PLXNA4: variants seen among roughly 807,000 people sequenced by gnomAD.
PLXNA4 encodes plexin-A4.
PLXNA4 carries 44 observed loss-of-function variants against 191.8 expected under a neutral mutation model. That is an observed-to-expected ratio of 0.23 (90% CI 0.18 to 0.29). The LOEUF is 0.29. Among genes scored for constraint, PLXNA4 ranks in the 10% least tolerant of loss-of-function variants. The probability of loss-of-function intolerance (pLI) is 1.00; values close to 1 mark genes in which losing one functional copy is unlikely to be tolerated. For synonymous variants in PLXNA4, 1,082 were observed against 1,009.5 expected (o/e 1.07, Z -1.36); for missense variants, 1,800 against 2,488.8 (o/e 0.72, Z 5.89).
At position 132,311,112 on chromosome 7, in the gene PLXNA4, C is replaced by T. The variant is rs1273387338; in HGVS notation, c.1372-12890G>A. On this transcript the variant is annotated intron_variant, in intron 3 of 31. Coordinates refer to ENST00000321063, the MANE Select transcript of PLXNA4 (RefSeq NM_020911.2). ...CAGATTTGCTCAGTTGGGATCTATA[C>T]CAGGATTTCAAAGTAGCCCCAGTTC... 1.1e-4 allele frequency among the ~76,000 whole-genome samples: 16 copies of T among 150,164 alleles called. 1 individual carries two copies. In the Admixed American group the frequency reaches 1.1e-3, roughly 10 times the overall value.
chr7:132,626,140 C>T (rs1803367524), intron 2 of PLXNA4, among the ~76,000 whole-genome samples: 2 of 152,190 alleles, frequency 1.3e-5, no homozygotes, highest in South Asian at 2.1e-4. Flanking sequence ...CACTCACCAC[C>T]ACCAATCAAG....
intron 3 of PLXNA4, among the ~76,000 whole-genome samples, chr7:132,475,213 C>A (rs1797077697): frequency 6.6e-6 from 1 of 152,084 alleles, no homozygotes; most frequent in African/African-American, 2.4e-5. Flanking sequence ...GCAGGGTGGC[C>A]CACAGTAGCT....
intron 3 of PLXNA4, among the ~76,000 whole-genome samples, chr7:132,310,657 A>T (rs765099193): frequency 6.6e-6 from 1 of 152,206 alleles, no homozygotes; most frequent in Non-Finnish European, 1.5e-5. Flanking sequence ...TCTGTTGCTC[A>T]GCCCCCAGGC....
At chr7:132,210,258 C>T (rs189047779) in intron 10 of PLXNA4, among the ~76,000 whole-genome samples, 152 of 152,194 alleles carry the variant, frequency 1.0e-3, no homozygotes, top group Non-Finnish European at 1.7e-3. Context: ...ATGGCAGGTG[C>T]GAAGGGAAGT....
At chr7:132,380,285 G>A (rs926698035) in intron 3 of PLXNA4, among the ~76,000 whole-genome samples, 1 of 152,134 alleles carries the variant, frequency 6.6e-6, no homozygotes, top group African/African-American at 2.4e-5. Flanking sequence ...TGTGCAAAGG[G>A]CAGCACCAGG....
At chr7:132,613,849 A>G (rs570158111) in intron 2 of PLXNA4, among the ~76,000 whole-genome samples, 8 of 152,336 alleles carry the variant, frequency 5.3e-5, no homozygotes, top group African/African-American at 1.9e-4. Flanking sequence ...AAATCCAGGA[A>G]AAAAAAGTAA....
At chr7:132,641,875 G>C (rs940153807) in intron 2 of PLXNA4, among the ~76,000 whole-genome samples, 6 of 152,156 alleles carry the variant, frequency 3.9e-5, no homozygotes, top group Admixed American at 6.5e-5. Flanking sequence ...AATGATCACA[G>C]CAGTCAATGT....
At chr7:132,170,912 A>G (rs1194710434) in intron 21 of PLXNA4, among the ~76,000 whole-genome samples, 1 of 152,246 alleles carries the variant, frequency 6.6e-6, no homozygotes, top group East Asian at 1.9e-4. Flanking sequence ...GCTAGAGATA[A>G]ACAGGCTACA....
intron 1 of PLXNA4, among the ~76,000 whole-genome samples, chr7:132,563,144 C>T (rs1385955686): frequency 1.1e-5 from 1 of 88,804 alleles, no homozygotes; most frequent in African/African-American, 4.2e-5. Flanking sequence ...TCCTTCTCCT[C>T]TTCCTCCTTC....
chr7:132,182,912 G>T (rs1354724508), intron 16 of PLXNA4, among the ~76,000 whole-genome samples: 4 of 152,164 alleles, frequency 2.6e-5, no homozygotes, highest in Non-Finnish European at 5.9e-5. Context: ...CTGGATGCCA[G>T]TGCCTATCCT....
intron 5 of PLXNA4, among the ~76,000 whole-genome samples, chr7:132,238,039 G>T (rs576350155): frequency 1.3e-5 from 2 of 152,022 alleles, no homozygotes; most frequent in Non-Finnish European, 2.9e-5. Context: ...TGATTTTGCC[G>T]CTTAAAATAG....
At chr7:132,132,497 T>TTTCTATTCTA (rs1159802824) in intron 31 of PLXNA4, among the ~76,000 whole-genome samples, 25 of 111,926 alleles carry the variant, frequency 2.2e-4, no homozygotes, top group African/African-American at 8.7e-4. Flanking sequence ...GCTCTATTCT[T>TTTCTATTCTA]TTCTATTCTA....
In PLXNA4 at chr7:132,124,221, T is replaced by G. The variant is rs113801565; in HGVS notation, c.*6258A>C. On this transcript the variant is annotated 3_prime_UTR_variant, in exon 32 of 32. Coordinates refer to ENST00000321063, the MANE Select transcript of PLXNA4 (RefSeq NM_020911.2). ...CGTTGGTTTCCGAATGGAAACAAGA[T>G]TCTTTGAGGTAAGCTAGCTTTTCAT... 12 of 152,306 alleles carry G rather than the reference T, an allele frequency of 7.9e-5. 1 individual carries two copies. Among genetic ancestry groups the G allele is most frequent in the African/African-American group, 2.6e-4 (11 of 41,568 alleles). The allele number at this position is 152,306 out of a possible 1,614,324, so 9.4% of individuals were successfully genotyped here.
At chr7:132,527,336 T>A (rs1799437649) in intron 1 of PLXNA4, among the ~76,000 whole-genome samples, 1 of 152,032 alleles carries the variant, frequency 6.6e-6, no homozygotes, top group Non-Finnish European at 1.5e-5. Flanking sequence ...AATCTTGCCA[T>A]CCACCTCTCA....
chr7:132,435,525 G>A (rs1795437420), intron 3 of PLXNA4, among the ~76,000 whole-genome samples: 1 of 152,166 alleles, frequency 6.6e-6, no homozygotes, highest in Admixed American at 6.5e-5. Flanking sequence ...AGAGGGCAAA[G>A]GAGGGGTGAG....
intron 27 of PLXNA4, 54 bp from the exon 28 acceptor site, chr7:132,146,754 C>G: frequency 6.3e-7 from 1 of 1,592,684 alleles, no homozygotes; most frequent in Non-Finnish European, 8.6e-7. Context: ...AGCCTTAGCC[C>G]ATCACTTACC....
At chr7:132,434,864 A>G (rs1420882917) in intron 3 of PLXNA4, among the ~76,000 whole-genome samples, 2 of 152,106 alleles carry the variant, frequency 1.3e-5, no homozygotes, top group Non-Finnish European at 2.9e-5. Flanking sequence ...TAGCCTTGCC[A>G]GGGATTTACC....
intron 3 of PLXNA4, among the ~76,000 whole-genome samples, chr7:132,443,104 T>C (rs576591300): frequency 1.3e-4 from 20 of 152,190 alleles, no homozygotes; most frequent in Non-Finnish European, 1.8e-4. Context: ...GACCTCTCCA[T>C]GCTTTTCCCA....
rs117985931 is a variant in PLXNA4 at position 132,167,513 on chromosome 7, A to G, written c.4286+791T>C. ...GATTCAGCGGGTCTGGGAGGGCCTG[A>G]AATTCTGCATTTATTTATTTATTTT... On this transcript the variant is annotated intron_variant, in intron 22 of 31. Transcript: ENST00000321063. Among the ~76,000 whole-genome samples, 975 of 152,182 alleles carry G rather than the reference A, an allele frequency of 6.4e-3. 1 individual carries two copies. The highest frequency in any genetic ancestry group is 0.011 in the Non-Finnish European group (776 of 68,010).
Sources: gnomAD v4.1 joint callset for allele counts (sites outside exome capture counted in the v4.1 genomes callset) on GRCh38, gnomAD v4.1.1 for gene constraint, MANE v1.5 for transcripts, NCBI Gene and HGNC (gene_info 2026-07-23, HGNC 2026-07-21) for gene names.